The following CFAP276 variants were observed in gnomAD, a reference collection of about 807,000 sequenced individuals.
CFAP276 encodes cilia- and flagella-associated protein 276.
the CFAP276 span, chr1:109,107,111 A>AT: frequency 6.2e-7 from 1 of 1,614,036 alleles, no homozygotes. Context: ...AGTCCAGGTC[A>AT]TCCTTTGGTA....
the CFAP276 span, chr1:109,112,726 C>A: frequency 6.5e-6 from 10 of 1,545,406 alleles, no homozygotes; most frequent in South Asian, 1.2e-5. Context: ...CCCGCTCAGC[C>A]GCAGCACAGC....
the CFAP276 span, among the ~76,000 whole-genome samples, chr1:109,109,826 C>T: frequency 3.3e-5 from 5 of 152,050 alleles, no homozygotes; most frequent in Non-Finnish European, 5.9e-5. Context: ...TATGAGCCAC[C>T]GTGCCCCGCT....
At chr1:109,112,799 T>C in the CFAP276 span, 1 of 1,462,008 alleles carries the variant, frequency 6.8e-7, no homozygotes, top group Non-Finnish European at 9.1e-7. Context: ...GCCAGGCAAC[T>C]GCCCAGCCAT....
At chr1:109,110,170 G>A in the CFAP276 span, among the ~76,000 whole-genome samples, 6 of 152,012 alleles carry the variant, frequency 3.9e-5, no homozygotes, top group African/African-American at 1.2e-4. Context: ...CCCTTCCCTG[G>A]TCTTCTGAGA....
the CFAP276 span, among the ~76,000 whole-genome samples, chr1:109,113,378 G>A: frequency 6.7e-6 from 1 of 150,132 alleles, no homozygotes; most frequent in South Asian, 2.1e-4. Context: ...GGGCGAGAGA[G>A]TGAGACCCTG....
chr1:109,113,449 A>AGG, the CFAP276 span, among the ~76,000 whole-genome samples: 338 of 143,016 alleles, frequency 2.4e-3, 26 homozygotes, highest in African/African-American at 6.7e-3. Flanking sequence ...AGAGAGAGAG[A>AGG]GAGAGAGAGA....
the CFAP276 span, among the ~76,000 whole-genome samples, chr1:109,113,413 AGAAAG>A: frequency 8.8e-6 from 1 of 113,460 alleles, no homozygotes; most frequent in Non-Finnish European, 1.8e-5. Context: ...AGAGAGAGAG[AGAAAG>A]AGAGAGAGAG....
the CFAP276 span, chr1:109,106,766 CT>C: frequency 7.6e-7 from 1 of 1,312,626 alleles, no homozygotes; most frequent in Non-Finnish European, 1.0e-6. Context: ...GCCAAAGACT[CT>C]TTTTACCTCT....
chr1:109,113,451 A>G, the CFAP276 span, among the ~76,000 whole-genome samples: 3 of 120,468 alleles, frequency 2.5e-5, no homozygotes, highest in East Asian at 3.5e-4. Flanking sequence ...AGAGAGAGAG[A>G]GAGAGAGAGA....
chr1:109,108,177 C>T, the CFAP276 span: 1 of 691,972 alleles, frequency 1.4e-6, no homozygotes, highest in East Asian at 2.5e-5. Flanking sequence ...GAATCTCACT[C>T]TGTCATAGAA....
At chr1:109,112,873 G>C in the CFAP276 span, 2 of 858,168 alleles carry the variant, frequency 2.3e-6, no homozygotes, top group Admixed American at 6.4e-5. Context: ...GAGGCCCCTG[G>C]GGAGGAAGCT....
At chr1:109,107,973 G>A in the CFAP276 span, 1 of 1,600,930 alleles carries the variant, frequency 6.2e-7, no homozygotes, top group East Asian at 2.2e-5. Flanking sequence ...TGTGGGGGTT[G>A]AGTTGAGCCG....
chr1:109,112,869 C>A, the CFAP276 span: 1 of 920,972 alleles, frequency 1.1e-6, no homozygotes, highest in Non-Finnish European at 1.5e-6. Flanking sequence ...ACGGGAGGCC[C>A]CTGGGGAGGA....
At chr1:109,109,536 T>C in the CFAP276 span, among the ~76,000 whole-genome samples, 1 of 89,218 alleles carries the variant, frequency 1.1e-5, no homozygotes, top group Non-Finnish European at 2.0e-5. Flanking sequence ...GCCATACCTT[T>C]TTTTTTTTTT....
chr1:109,107,817 A>T, the CFAP276 span: 1 of 902,012 alleles, frequency 1.1e-6, no homozygotes, highest in Non-Finnish European at 1.7e-6. Flanking sequence ...GGTTCAGGCT[A>T]CGGTAAACCA....
At chr1:109,106,706 A>G in the CFAP276 span, 2 of 1,592,644 alleles carry the variant, frequency 1.3e-6, no homozygotes, top group African/African-American at 1.3e-5. Context: ...AATCAATCAG[A>G]GAAAGGTGAG....
the CFAP276 span, chr1:109,106,181 T>A: frequency 1.7e-6 from 2 of 1,195,108 alleles, no homozygotes; most frequent in Non-Finnish European, 2.5e-6. Flanking sequence ...AATACATTTG[T>A]AGGTACTGTG....
chr1:109,113,699 G>C, the CFAP276 span: 10 of 1,613,824 alleles, frequency 6.2e-6, no homozygotes, highest in Non-Finnish European at 8.5e-6. Context: ...CGGTTCACAC[G>C]CCACGTGTGC....
At chr1:109,111,747 A>T in the CFAP276 span, among the ~76,000 whole-genome samples, 1 of 151,974 alleles carries the variant, frequency 6.6e-6, no homozygotes, top group Non-Finnish European at 1.5e-5. Flanking sequence ...CTCACATTCT[A>T]TCCACTCCCT....
Sources: gnomAD v4.1 joint callset for allele counts (sites outside exome capture counted in the v4.1 genomes callset) on GRCh38, gnomAD v4.1.1 for gene constraint, MANE v1.5 for transcripts, NCBI Gene and HGNC (gene_info 2026-07-23, HGNC 2026-07-21) for gene names.